TMEM131: variants seen among roughly 807,000 people sequenced by gnomAD.
TMEM131 encodes 2610524E03Rik.
TMEM131 carries 66 observed loss-of-function variants against 211.6 expected under a neutral mutation model. That is an observed-to-expected ratio of 0.31 (90% CI 0.26 to 0.38). The LOEUF is 0.38. Among genes scored for constraint, TMEM131 ranks in the 10% least tolerant of loss-of-function variants. The pLI is 1.00. For synonymous variants in TMEM131, 844 were observed against 841.3 expected, an observed-to-expected ratio of 1.00 and a Z score of -0.06; for missense variants, 2,036 against 2,299.3, an observed-to-expected ratio of 0.89 and a Z score of 2.34.
intron 1 of TMEM131, among the ~76,000 whole-genome samples, chr2:97,942,958 CAAA>C (rs1172407120): frequency 3.6e-4 from 33 of 92,634 alleles, no homozygotes; most frequent in Admixed American, 9.1e-4. Context: ...ACCATGGCTA[CAAA>C]AAAAAAGAAA....
chr2:97,952,882 A>C (rs927559863), intron 1 of TMEM131, among the ~76,000 whole-genome samples: 1 of 152,178 alleles, frequency 6.6e-6, no homozygotes, highest in Non-Finnish European at 1.5e-5. Context: ...ACCCTGTCTC[A>C]TTAAAACAAA....
chr2:97,940,129 C>T (rs921568891), intron 1 of TMEM131, among the ~76,000 whole-genome samples: 2 of 152,182 alleles, frequency 1.3e-5, no homozygotes, highest in Non-Finnish European at 2.9e-5. Context: ...GGGATGCCCT[C>T]TCTCACCACT....
chr2:97,787,125 C>A (rs940601963), intron 31 of TMEM131, among the ~76,000 whole-genome samples: 5 of 152,208 alleles, frequency 3.3e-5, no homozygotes, highest in African/African-American at 1.2e-4. Context: ...ATAATTTAAA[C>A]TGCCTCTAAT....
chr2:97,783,264 A>G (rs2104848152), intron 31 of TMEM131, among the ~76,000 whole-genome samples: 1 of 152,248 alleles, frequency 6.6e-6, no homozygotes, highest in East Asian at 1.9e-4. Context: ...ATGAAACAAA[A>G]CTCAGAGAAT....
In TMEM131 at chr2:97,834,835, T is replaced by G; in HGVS notation, c.895A>C (p.Thr299Pro). 6.2e-7 allele frequency: 1 copy of G among 1,613,864 alleles called. No homozygotes were observed. The highest frequency in any genetic ancestry group is 8.5e-7 in the Non-Finnish European group (1 of 1,179,816). Residue 299 changes from threonine to proline, a missense_variant, in exon 9 of 41, where the codon ACT (threonine) becomes CCT (proline). Physicochemically the swap from Thr to Pro is conservative, Grantham distance 38. This residue lies in a region of TMEM131 where 277 missense variants were observed against 378.0 expected (regional missense o/e 0.73). Transcript: ENST00000186436. ...DNHTAFIRIKTNASDSTEFII... is the reference protein window; with the variant it reads ...DNHTAFIRIKPNASDSTEFII... ...AACTCTGTGCTGTCTGAAGCATTAGTCTTTATTCTTATGAAGGCTGTGTGA... is the reference window on the plus strand; with the variant it reads ...AACTCTGTGCTGTCTGAAGCATTAGGCTTTATTCTTATGAAGGCTGTGTGA...
At chr2:97,955,227 G>T (rs894966866) in intron 1 of TMEM131, among the ~76,000 whole-genome samples, 1 of 152,000 alleles carries the variant, frequency 6.6e-6, no homozygotes, top group Non-Finnish European at 1.5e-5. Context: ...AAAATCATAT[G>T]ATCATGTCAA....
intron 33 of TMEM131, among the ~76,000 whole-genome samples, chr2:97,768,945 C>A (rs745661681): frequency 6.9e-6 from 1 of 145,410 alleles, no homozygotes; most frequent in Non-Finnish European, 1.5e-5. Flanking sequence ...GGTTCAGATG[C>A]CAGGCTTTAT....
intron 35 of TMEM131, among the ~76,000 whole-genome samples, chr2:97,765,839 T>C (rs931864000): frequency 6.6e-6 from 1 of 152,118 alleles, no homozygotes; most frequent in African/African-American, 2.4e-5. Context: ...ATTTTGCACA[T>C]TGGGCAGTGG....
At chr2:97,935,981 A>C (rs1573580759) in intron 1 of TMEM131, among the ~76,000 whole-genome samples, 1 of 152,324 alleles carries the variant, frequency 6.6e-6, no homozygotes, top group East Asian at 1.9e-4. Context: ...ACAGGCAATA[A>C]GGGTGGCAGA....
intron 32 of TMEM131, among the ~76,000 whole-genome samples, chr2:97,772,629 C>T (rs575401651): frequency 2.0e-4 from 30 of 152,224 alleles, no homozygotes; most frequent in Non-Finnish European, 3.4e-4. Flanking sequence ...TGTGCGGTGG[C>T]GCATGCCTGT....
chr2:97,815,806 C>A (rs1681800436), intron 12 of TMEM131, among the ~76,000 whole-genome samples: 1 of 152,126 alleles, frequency 6.6e-6, no homozygotes, highest in South Asian at 2.1e-4. Context: ...AAATTACCCC[C>A]CACTTAGCCC....
At chr2:97,766,706 G>A (rs1332946419) in intron 33 of TMEM131, 104 bp from the exon 34 acceptor site, 5 of 1,392,634 alleles carry the variant, frequency 3.6e-6, no homozygotes, top group Non-Finnish European at 4.9e-6. Context: ...CATGCAGGAA[G>A]CTAATGTGGC....
chr2:97,974,351 T>A (rs1214116691), intron 1 of TMEM131, among the ~76,000 whole-genome samples: 1 of 152,106 alleles, frequency 6.6e-6, no homozygotes, highest in Middle Eastern at 3.2e-3. Flanking sequence ...GGGATCAACT[T>A]CAAGCTGTCT....
At chr2:97,966,248 C>A (rs1360602878) in intron 1 of TMEM131, among the ~76,000 whole-genome samples, 1 of 151,890 alleles carries the variant, frequency 6.6e-6, no homozygotes, top group East Asian at 1.9e-4. Flanking sequence ...AGTAGTTAAA[C>A]CAGCAAGGTG....
chr2:97,944,843 C>T (rs565319830), intron 1 of TMEM131, among the ~76,000 whole-genome samples: 10 of 152,144 alleles, frequency 6.6e-5, no homozygotes, highest in East Asian at 5.8e-4. Flanking sequence ...ACATCGAAAA[C>T]GCCTAAGTCG....
intron 7 of TMEM131, among the ~76,000 whole-genome samples, chr2:97,838,343 G>A (rs939001250): frequency 5.3e-5 from 8 of 149,644 alleles, no homozygotes; most frequent in African/African-American, 1.2e-4. Context: ...GGGTGGAAAC[G>A]TTCACTTGTT....
At chr2:97,978,163 T>C (rs1679626937) in intron 1 of TMEM131, among the ~76,000 whole-genome samples, 1 of 152,196 alleles carries the variant, frequency 6.6e-6, no homozygotes, top group African/African-American at 2.4e-5. Flanking sequence ...AAGATTTCTC[T>C]GTAGCATGCA....
At chr2:97,842,983 C>T (rs1206609400) in intron 6 of TMEM131, among the ~76,000 whole-genome samples, 2 of 151,684 alleles carry the variant, frequency 1.3e-5, no homozygotes, top group South Asian at 2.1e-4. Flanking sequence ...AGACACAGTC[C>T]TTACTGAAAG....
intron 5 of TMEM131, among the ~76,000 whole-genome samples, chr2:97,857,187 T>TA (rs1673883888): frequency 6.6e-6 from 1 of 152,184 alleles, no homozygotes; most frequent in Non-Finnish European, 1.5e-5. Flanking sequence ...GACTGGCAGA[T>TA]ACATGAAACT....
Sources: gnomAD v4.1 joint callset for allele counts (sites outside exome capture counted in the v4.1 genomes callset) on GRCh38, gnomAD v4.1.1 for gene constraint, gnomAD v4.1.1 regional missense constraint, MANE v1.5 for transcripts, NCBI Gene and HGNC (gene_info 2026-07-23, HGNC 2026-07-21) for gene names.